The following WNK1 variants were observed in gnomAD, a reference collection of about 807,000 sequenced individuals.
WNK1 encodes WNK lysine deficient protein kinase 1.
In WNK1, 38 loss-of-function variants were observed where a neutral mutation model predicts 222.8. The ratio of observed to expected loss-of-function variants is 0.17; its 90% confidence interval spans 0.13 to 0.22. The LOEUF (loss-of-function observed/expected upper bound fraction) is 0.22. WNK1 is among the 10% of genes least tolerant of loss of function. The pLI is 1.00. For synonymous variants in WNK1, 1,090 were observed against 1,092.9 expected (o/e 1.00, Z 0.05); for missense variants, 2,348 against 2,918.4 (o/e 0.80, Z 4.50).
At chr12:812,093 A>G (rs966070907) in intron 1 of WNK1, among the ~76,000 whole-genome samples, 1 of 152,214 alleles carries the variant, frequency 6.6e-6, no homozygotes, top group Non-Finnish European at 1.5e-5. Context: ...ATGCTTTGCT[A>G]TAAATAAGTA....
chr12:790,114 A>G (rs1944694535), intron 1 of WNK1, among the ~76,000 whole-genome samples: 1 of 152,246 alleles, frequency 6.6e-6, no homozygotes. Flanking sequence ...GGAATGACCC[A>G]GTAGTAGACT....
intron 8 of WNK1, chr12:865,005 G>A (rs1449940825): frequency 4.3e-6 from 6 of 1,383,896 alleles, no homozygotes; most frequent in African/African-American, 1.5e-5. Flanking sequence ...ATTGGGAGAG[G>A]ATGGAACATT....
chr12:832,969 A>G (rs1948910669), intron 4 of WNK1, among the ~76,000 whole-genome samples: 1 of 150,890 alleles, frequency 6.6e-6, no homozygotes, highest in Non-Finnish European at 1.5e-5. Flanking sequence ...CATGTCTCTT[A>G]TTATTCCCCT....
At chr12:840,156 C>T (rs1042782576) in intron 4 of WNK1, among the ~76,000 whole-genome samples, 3 of 152,074 alleles carry the variant, frequency 2.0e-5, no homozygotes, top group Admixed American at 2.0e-4. Context: ...GAGAGAAAGT[C>T]TCACTCTGTC....
chr12:788,893 G>C (rs1989450), intron 1 of WNK1, among the ~76,000 whole-genome samples: 2 of 147,788 alleles, frequency 1.4e-5, no homozygotes, highest in South Asian at 2.1e-4. Flanking sequence ...TCTCGGGGGG[G>C]AAAAAGAAAG....
Position 884,915 on chromosome 12 carries a change from A to G in WNK1, c.4111A>G (p.Ile1371Val). The change falls in exon 19 of 28, where the codon ATT becomes GTT. Residue 1371 changes from isoleucine to valine, a missense_variant. Transcript: ENST00000315939. This position sits in a 1 kb window ranked among gnomAD's most constrained non-coding sequence, Gnocchi z 5.6. The stretch of plus-strand genomic sequence containing the variant: ...TCCTAATGACATTTCCACATCAGTA[A>G]TTCAGTCTGAGGTTACAGTGCCCAC... Reference protein sequence around the residue: ...SPPNDISTSVIQSEVTVPTEE... With the variant: ...SPPNDISTSVVQSEVTVPTEE... The G allele has an allele frequency of 6.2e-7, 1 of 1,614,122 alleles. No individual in the cohort carries two copies. The highest frequency in any genetic ancestry group is 8.5e-7 in the Non-Finnish European group (1 of 1,179,986).
intron 1 of WNK1, among the ~76,000 whole-genome samples, chr12:805,851 A>G (rs1946324603): frequency 6.6e-6 from 1 of 152,232 alleles, no homozygotes. Context: ...CATGAGCCAC[A>G]ATATACATAT....
intron 1 of WNK1, among the ~76,000 whole-genome samples, chr12:779,679 G>C (rs1943495041): frequency 1.3e-5 from 2 of 152,208 alleles, no homozygotes; most frequent in South Asian, 4.1e-4. Flanking sequence ...TGGGATTACA[G>C]GCGTGAGCCA....
At chr12:889,985 C>T (rs1365859496) in intron 21 of WNK1, among the ~76,000 whole-genome samples, 4 of 128,850 alleles carry the variant, frequency 3.1e-5, no homozygotes, top group Non-Finnish European at 4.7e-5. Flanking sequence ...AGGAGTCTTG[C>T]GCTGTTACCC....
chr12:814,917 G>A (rs115331826), intron 2 of WNK1, among the ~76,000 whole-genome samples: 4 of 152,144 alleles, frequency 2.6e-5, no homozygotes, highest in Non-Finnish European at 5.9e-5. Flanking sequence ...CCATCTGGGG[G>A]TGATGGGAGA....
chr12:872,298 G>GTT (rs1463162760), intron 9 of WNK1, among the ~76,000 whole-genome samples: 3 of 151,958 alleles, frequency 2.0e-5, no homozygotes, highest in African/African-American at 7.3e-5. Context: ...GCTAATTTTT[G>GTT]TATTACGTTC....
intron 1 of WNK1, among the ~76,000 whole-genome samples, chr12:778,836 G>A (rs558054409): frequency 1.3e-5 from 2 of 151,928 alleles, no homozygotes; most frequent in African/African-American, 4.8e-5. Context: ...CTTCTCTCTC[G>A]TGCTGTTTCT....
At position 885,216 on chromosome 12, in the gene WNK1, C is replaced by T. The variant is rs902748213; in HGVS notation, c.4412C>T (p.Pro1471Leu). Residue 1471 changes from proline to leucine, a missense_variant, in exon 19 of 28, where the codon CCT becomes CTT. Physicochemically the swap from Pro to Leu is moderately conservative, Grantham distance 98 (BLOSUM62 -3). Coordinates refer to ENST00000315939, the MANE Select transcript of WNK1 (RefSeq NM_018979.4). Reference protein sequence around the residue: ...GGSTATPGPKPPAVVSQQAAG... With the variant: ...GGSTATPGPKLPAVVSQQAAG... ...AGTACTGCTACCCCAGGTCCTAAGCCTCCAGCTGTAGTATCTCAGCAGGCA... is the reference window on the plus strand; with the variant it reads ...AGTACTGCTACCCCAGGTCCTAAGCTTCCAGCTGTAGTATCTCAGCAGGCA... 2 of 1,614,088 alleles carry T rather than the reference C, an allele frequency of 1.2e-6. No individual in the cohort carries two copies. The highest frequency in any genetic ancestry group is 2.7e-5 in the African/African-American group (2 of 74,934).
intron 1 of WNK1, among the ~76,000 whole-genome samples, chr12:811,700 C>T (rs953323247): frequency 6.6e-6 from 1 of 151,370 alleles, no homozygotes; most frequent in Non-Finnish European, 1.5e-5. Flanking sequence ...ATGAAATGTT[C>T]CTAGATTAAA....
chr12:759,565 G>A (rs1036947798), intron 1 of WNK1, among the ~76,000 whole-genome samples: 1 of 147,612 alleles, frequency 6.8e-6, no homozygotes, highest in Non-Finnish European at 1.5e-5. Flanking sequence ...ACCTGACCTC[G>A]TGATCTGCCC....
In WNK1 at chr12:758,543, G is replaced by A. The variant is rs1158303575; in HGVS notation, c.759+4219G>A. Among the ~76,000 whole-genome samples the A allele has an allele frequency of 2.1e-5, 3 of 143,406 alleles. 1 individual carries two copies. Among genetic ancestry groups the A allele is most frequent in the Non-Finnish European group, 3.1e-5 (2 of 64,312 alleles). 94.1% of individuals were successfully genotyped at this position (143,406 alleles called of 152,430 possible). A position where few individuals can be genotyped will look rare whatever the true frequency, so the allele number is the denominator to read the frequency against. On this transcript the variant is annotated intron_variant, in intron 1 of 27. Transcript: ENST00000315939. ...GCTGGGACTACAGGCGCCCGCCACC[G>A]TGCCCGGCTAATTTTTTGTATTTTT...
intron 1 of WNK1, among the ~76,000 whole-genome samples, chr12:761,562 G>A (rs1170431991): frequency 2.0e-5 from 3 of 147,728 alleles, no homozygotes; most frequent in Admixed American, 2.0e-4. Context: ...GTAGATACGT[G>A]GTAGATGGTC....
chr12:775,695 G>A (rs1420920700), intron 1 of WNK1, among the ~76,000 whole-genome samples: 1 of 152,164 alleles, frequency 6.6e-6, no homozygotes, highest in African/African-American at 2.4e-5. Context: ...TTTGAGCTAT[G>A]TATGTTTGAA....
chr12:766,095 T>C (rs1385106664), intron 1 of WNK1, among the ~76,000 whole-genome samples: 1 of 151,994 alleles, frequency 6.6e-6, no homozygotes, highest in African/African-American at 2.4e-5. Flanking sequence ...ACAATAAGTG[T>C]AGGCTGGGGT....
Sources: gnomAD v4.1 joint callset for allele counts (sites outside exome capture counted in the v4.1 genomes callset) on GRCh38, gnomAD v4.1.1 for gene constraint, Gnocchi (gnomAD v3.1) non-coding constraint, MANE v1.5 for transcripts, NCBI Gene and HGNC (gene_info 2026-07-23, HGNC 2026-07-21) for gene names.